LARGE1: variants seen among roughly 807,000 people sequenced by gnomAD.
LARGE1 encodes xylosyl- and glucuronyltransferase LARGE1.
LARGE1 carries 43 observed loss-of-function variants against 87.6 expected under a neutral mutation model. The observed-to-expected ratio is 0.49, with a 90% CI of 0.38 to 0.63. The LOEUF (loss-of-function observed/expected upper bound fraction) is 0.63, where lower values mean the gene tolerates loss of function less well. LARGE1 is among the 30% of genes least tolerant of loss of function. LARGE1 has a pLI of 0.00. For missense variants in LARGE1, 802 were observed against 1,000.2 expected (o/e 0.80, Z 2.67); for synonymous variants, 434 against 394.6 (o/e 1.10, Z -1.18).
chr22:33,710,350 G>T lies in LARGE1; in HGVS notation c.106+51021C>A, dbSNP rs79773490. 2.7e-3 allele frequency among the ~76,000 whole-genome samples: 412 copies of T among 152,288 alleles called. 1 individual carries two copies. The highest frequency in any genetic ancestry group is 8.9e-3 in the African/African-American group (369 of 41,556). ...TGAATCAAAGAATCAAATTAAAAAT[G>T]AAAACTGGAAGAATTGGCCCCAGAA... On this transcript the variant is annotated intron_variant, in intron 2 of 14. Coordinates refer to ENST00000397394, the MANE Select transcript of LARGE1 (RefSeq NM_133642.5).
chr22:33,805,712 C>T (rs887206013), intron 1 of LARGE1, among the ~76,000 whole-genome samples: 5 of 150,702 alleles, frequency 3.3e-5, no homozygotes, highest in African/African-American at 7.3e-5. Flanking sequence ...CCAGCCTGGG[C>T]GACAGAGCAA....
intron 2 of LARGE1, among the ~76,000 whole-genome samples, chr22:33,699,034 C>T (rs746781940): frequency 5.3e-5 from 8 of 152,208 alleles, no homozygotes; most frequent in Non-Finnish European, 8.8e-5. Flanking sequence ...GACAGAGACT[C>T]GGGGTCCTCC....
intron 6 of LARGE1, among the ~76,000 whole-genome samples, chr22:33,467,788 C>G (rs1169074471): frequency 6.6e-6 from 1 of 152,168 alleles, no homozygotes; most frequent in African/African-American, 2.4e-5. Flanking sequence ...AACAGAGGCG[C>G]TGGCTGCTCC....
chr22:33,715,065 T>C (rs2082869636), intron 2 of LARGE1, among the ~76,000 whole-genome samples: 1 of 152,216 alleles, frequency 6.6e-6, no homozygotes, highest in Non-Finnish European at 1.5e-5. Flanking sequence ...CCACCATCTT[T>C]GGGCTCCTAC....
intron 2 of LARGE1, among the ~76,000 whole-genome samples, chr22:33,676,983 C>A (rs2081601711): frequency 6.6e-6 from 1 of 152,026 alleles, no homozygotes; most frequent in Non-Finnish European, 1.5e-5. Context: ...AAAAGTTTTA[C>A]TTTTCATAAA....
chr22:33,562,316 G>A (rs1050743206), intron 6 of LARGE1, among the ~76,000 whole-genome samples: 2 of 152,120 alleles, frequency 1.3e-5, no homozygotes, highest in African/African-American at 4.8e-5. Flanking sequence ...AACTTCTGAT[G>A]TTTTGTACTC....
At chr22:33,558,763 A>G (rs892600908) in intron 6 of LARGE1, among the ~76,000 whole-genome samples, 4 of 152,172 alleles carry the variant, frequency 2.6e-5, no homozygotes, top group Admixed American at 2.6e-4. Flanking sequence ...ATTTCTACAA[A>G]TGTCTTTTCA....
intron 11 of LARGE1, chr22:33,305,766 A>G (rs1367964407): frequency 6.3e-6 from 1 of 159,478 alleles, no homozygotes; most frequent in Non-Finnish European, 1.3e-5. Flanking sequence ...GATATTCACC[A>G]GTGCAAAATG....
chr22:33,256,634 G>A (rs1458931841), intron 11 of LARGE1, among the ~76,000 whole-genome samples: 1 of 152,092 alleles, frequency 6.6e-6, no homozygotes, highest in Non-Finnish European at 1.5e-5. Context: ...TCATGCATGT[G>A]GAAGAAGAAA....
At chr22:33,565,099 A>G (rs944385597) in intron 5 of LARGE1, 80 bp from the exon 6 acceptor site, 19 of 1,272,836 alleles carry the variant, frequency 1.5e-5, no homozygotes, top group African/African-American at 1.3e-4. Flanking sequence ...AACATTATAA[A>G]TAGTGCCTAG....
At chr22:33,703,278 G>A (rs1172207045) in intron 2 of LARGE1, among the ~76,000 whole-genome samples, 1 of 151,094 alleles carries the variant, frequency 6.6e-6, no homozygotes, top group Non-Finnish European at 1.5e-5. Flanking sequence ...GCTGACAGGT[G>A]CAGCAAACCA....
intron 11 of LARGE1, among the ~76,000 whole-genome samples, chr22:33,260,670 G>T (rs999823492): frequency 1.3e-5 from 2 of 152,200 alleles, no homozygotes; most frequent in Admixed American, 6.5e-5. Context: ...CTCCTTTGCT[G>T]TCTGCCTCTG....
intron 1 of LARGE1, among the ~76,000 whole-genome samples, chr22:33,872,661 A>G (rs964687028): frequency 2.0e-5 from 3 of 152,120 alleles, no homozygotes; most frequent in African/African-American, 7.2e-5. Context: ...CTTATGGAGC[A>G]CACTGGCAGG....
chr22:33,345,652 G>C (rs1372411005), intron 9 of LARGE1, among the ~76,000 whole-genome samples: 1 of 152,204 alleles, frequency 6.6e-6, no homozygotes, highest in Non-Finnish European at 1.5e-5. Context: ...CTGAGCCAGA[G>C]AAAATTGACA....
chr22:33,819,515 C>T lies in LARGE1; in HGVS notation c.-82-57957G>A, dbSNP rs567555433. 1.2e-4 allele frequency among the ~76,000 whole-genome samples: 19 copies of T among 152,196 alleles called. No individual in the cohort carries two copies. The East Asian group carries it at 3.3e-3, about 26-fold the overall frequency. On this transcript the variant is annotated intron_variant, in intron 1 of 14. Coordinates refer to ENST00000397394, the MANE Select transcript of LARGE1 (RefSeq NM_133642.5). The stretch of plus-strand genomic sequence containing the variant: ...GCTGTTTCACCAAATCCTTAATTTC[C>T]CTGATACCAACAAACCTCCCCACCG...
chr22:33,380,366 A>G (rs992089925), intron 9 of LARGE1, among the ~76,000 whole-genome samples: 1 of 152,238 alleles, frequency 6.6e-6, no homozygotes, highest in Non-Finnish European at 1.5e-5. Context: ...TAATATTTTG[A>G]AATAAATTTC....
downstream of LARGE1, among the ~76,000 whole-genome samples, chr22:33,267,761 C>T (rs558830804): frequency 1.3e-5 from 2 of 151,488 alleles, no homozygotes; most frequent in East Asian, 1.9e-4. Flanking sequence ...AGTAGGGTGA[C>T]GCAGTTTTCT....
chr22:33,354,750 C>G (rs1940733242), intron 9 of LARGE1, among the ~76,000 whole-genome samples: 1 of 152,004 alleles, frequency 6.6e-6, no homozygotes, highest in South Asian at 2.1e-4. Flanking sequence ...ACTTTTTTTC[C>G]ATTTGGATCT....
At chr22:33,513,142 A>T (rs1372301299) in intron 6 of LARGE1, among the ~76,000 whole-genome samples, 1 of 152,090 alleles carries the variant, frequency 6.6e-6, no homozygotes, top group Non-Finnish European at 1.5e-5. Context: ...AAACCACTAG[A>T]AGTGAGGAAT....
Sources: allele counts gnomAD v4.1 joint callset (sites outside exome capture counted in the v4.1 genomes callset), GRCh38; gene constraint gnomAD v4.1.1; transcripts MANE v1.5; gene names NCBI Gene and HGNC (gene_info 2026-07-23, HGNC 2026-07-21).